The following MYLK4 variants were observed in gnomAD, a reference collection of about 807,000 sequenced individuals.
MYLK4 encodes myosin light chain kinase family member 4, also known as caMLCK like.
A neutral mutation model predicts 48.1 loss-of-function variants in MYLK4; 46 were observed. The ratio of observed to expected loss-of-function variants is 0.96; its 90% CI spans 0.75 to 1.22. MYLK4 has a LOEUF of 1.22. Among genes scored for constraint, MYLK4 ranks in the 50% most tolerant of loss-of-function variants. The pLI is 0.00. For synonymous variants in MYLK4, 170 were observed against 180.8 expected (o/e 0.94, Z 0.48); for missense variants, 451 against 486.1 (o/e 0.93, Z 0.68).
chr6:2,686,782 G>T (rs1320746546), intron 4 of MYLK4, among the ~76,000 whole-genome samples: 1 of 152,212 alleles, frequency 6.6e-6, no homozygotes, highest in Non-Finnish European at 1.5e-5. Flanking sequence ...TAGCCACGGC[G>T]TGACTTCAAT....
Position 2,685,170 on chromosome 6 carries a change from G to A in MYLK4, c.545+126C>T, listed in dbSNP as rs1005356908. ...GAACTGATGTGATTGTGTGATCCGC[G>A]CGAATCAGAGTCTGCGGGGGCGAGC... On this transcript the variant is annotated intron_variant, in intron 6 of 12. Transcript: ENST00000274643. The surrounding 1 kb of genome is among the most constrained non-coding windows in gnomAD (Gnocchi z 4.5). The A allele has an allele frequency of 1.0e-5, 7 of 690,870 alleles. No homozygotes were observed. The highest frequency in any genetic ancestry group is 2.0e-5 in the Admixed American group (1 of 49,498). 42.8% of individuals were successfully genotyped at this position (690,870 alleles called of 1,614,324 possible). A position where few individuals can be genotyped will look rare whatever the true frequency, so the allele number is the denominator to read the frequency against.
intron 2 of MYLK4, among the ~76,000 whole-genome samples, chr6:2,746,616 C>T (rs1433156742): frequency 6.6e-6 from 1 of 152,132 alleles, no homozygotes; most frequent in African/African-American, 2.4e-5. Context: ...TCACCAGAGT[C>T]TGAAATTCAG....
Position 2,685,718 on chromosome 6 carries a change from T to C in MYLK4, c.342-142A>G. The C allele has an allele frequency of 1.5e-6, 1 of 673,752 alleles. No homozygotes were observed. The highest frequency in any genetic ancestry group is 2.5e-6 in the Non-Finnish European group (1 of 393,238). The allele number at this position is 673,752 out of a possible 1,614,324, so 41.7% of individuals were successfully genotyped here. On this transcript the variant is annotated intron_variant, in intron 4 of 12. Transcript: ENST00000274643. This position sits in a 1 kb window ranked among gnomAD's most constrained non-coding sequence, Gnocchi z 4.5. ...TTCTTTCAGTAAACTTCTAGAGCAG[T>C]ATTTGTCAACATGTGGTGTGTGGAT...
chr6:2,680,630 C>T (rs1761264117), intron 7 of MYLK4: 1 of 907,274 alleles, frequency 1.1e-6, no homozygotes, highest in Non-Finnish European at 1.3e-6. Context: ...CTGACATCTG[C>T]CCCTCTAAAT....
At chr6:2,762,957 A>C in the MYLK4 span, among the ~76,000 whole-genome samples, 1 of 152,228 alleles carries the variant, frequency 6.6e-6, no homozygotes, top group African/African-American at 2.4e-5. Flanking sequence ...CCCAAACACC[A>C]GCTAATGCAA....
intron 2 of MYLK4, among the ~76,000 whole-genome samples, chr6:2,696,045 T>TA (rs1762048441): frequency 6.6e-6 from 1 of 152,248 alleles, no homozygotes; most frequent in South Asian, 2.1e-4. Context: ...CAAATTCACT[T>TA]AAAAATATTT....
At chr6:2,765,560 AG>A in the MYLK4 span, 1 of 1,382,734 alleles carries the variant, frequency 7.2e-7, no homozygotes, top group Admixed American at 3.4e-5. Flanking sequence ...AGGGCATCGA[AG>A]GCCTCCGCGT....
chr6:2,681,131 AC>A (rs1304001146), intron 7 of MYLK4, among the ~76,000 whole-genome samples: 2 of 151,982 alleles, frequency 1.3e-5, no homozygotes, highest in East Asian at 3.9e-4. Flanking sequence ...AGAGTTAAGA[AC>A]CCTCAGTCCC....
At chr6:2,694,490 C>CATAGTGGTAATGATGGTGGTGACCATG (rs1761942622) in intron 2 of MYLK4, among the ~76,000 whole-genome samples, 1 of 962 alleles carries the variant, frequency 1.0e-3, no homozygotes, top group Non-Finnish European at 2.3e-3. Flanking sequence ...TGGTAGTGGT[C>CATAGTGGTAATGATGGTGGTGACCATG]ATGGTGGTGG....
chr6:2,705,897 T>C (rs1561854116), intron 2 of MYLK4, among the ~76,000 whole-genome samples: 1 of 141,544 alleles, frequency 7.1e-6, no homozygotes, highest in Admixed American at 7.4e-5. Flanking sequence ...TCTCAAATTA[T>C]GTAATCCATT....
chr6:2,685,167 C>T lies in MYLK4; in HGVS notation c.545+129G>A. ...CTAGAACTGATGTGATTGTGTGATC[C>T]GCGCGAATCAGAGTCTGCGGGGGCG... On this transcript the variant is annotated intron_variant, in intron 6 of 12. Transcript: ENST00000274643. This position sits in a 1 kb window ranked among gnomAD's most constrained non-coding sequence, Gnocchi z 4.5. 1.5e-6 allele frequency: 1 copy of T among 669,378 alleles called. No individual in the cohort carries two copies. Among genetic ancestry groups the T allele is most frequent in the Non-Finnish European group, 2.7e-6 (1 of 365,780 alleles). 41.5% of individuals were successfully genotyped at this position (669,378 alleles called of 1,614,324 possible).
At chr6:2,747,456 C>T (rs1332649867) in intron 2 of MYLK4, among the ~76,000 whole-genome samples, 1 of 152,154 alleles carries the variant, frequency 6.6e-6, no homozygotes, top group East Asian at 1.9e-4. Context: ...AGCAATCCTC[C>T]TGCCTCAGCC....
At chr6:2,770,372 A>G in the MYLK4 span, 1 of 1,613,962 alleles carries the variant, frequency 6.2e-7, no homozygotes, top group Non-Finnish European at 8.5e-7. Flanking sequence ...GTAAGTTGAC[A>G]GTGTGCAGCG....
intron 2 of MYLK4, among the ~76,000 whole-genome samples, chr6:2,742,437 T>C (rs554596800): frequency 6.6e-6 from 1 of 151,990 alleles, no homozygotes; most frequent in South Asian, 2.1e-4. Context: ...ACTGTGGCAC[T>C]ATTCACAATA....
intron 9 of MYLK4, 38 bp downstream of exon 9, chr6:2,679,242 A>G: frequency 1.9e-6 from 3 of 1,611,362 alleles, no homozygotes; most frequent in Non-Finnish European, 2.5e-6. Flanking sequence ...ATATGCATGG[A>G]GTTGGAGAAG....
chr6:2,686,242 C>T (rs537554964), intron 4 of MYLK4, among the ~76,000 whole-genome samples: 5 of 152,336 alleles, frequency 3.3e-5, no homozygotes, highest in Admixed American at 2.6e-4. Flanking sequence ...CCTTTACAGA[C>T]AATGCAGAAT....
intron 2 of MYLK4, among the ~76,000 whole-genome samples, chr6:2,718,908 C>T (rs1419470292): frequency 6.6e-6 from 1 of 152,200 alleles, no homozygotes; most frequent in Non-Finnish European, 1.5e-5. Flanking sequence ...TTTTCTTTTA[C>T]ATTAAGAACG....
intron 2 of MYLK4, chr6:2,743,916 G>A (rs1763979912): frequency 2.5e-6 from 1 of 398,506 alleles, no homozygotes. Flanking sequence ...TCAAGAGCAG[G>A]AGTCTGCCAG....
chr6:2,704,323 C>T (rs1762410210), intron 2 of MYLK4, among the ~76,000 whole-genome samples: 1 of 152,198 alleles, frequency 6.6e-6, no homozygotes, highest in South Asian at 2.1e-4. Flanking sequence ...GTGGTACCTA[C>T]AAGTCCCACG....
Sources: allele counts gnomAD v4.1 joint callset (sites outside exome capture counted in the v4.1 genomes callset), GRCh38; gene constraint gnomAD v4.1.1; non-coding constraint Gnocchi (gnomAD v3.1); transcripts MANE v1.5; gene names NCBI Gene and HGNC (gene_info 2026-07-23, HGNC 2026-07-21).